PLCH2: variants seen among roughly 807,000 people sequenced by gnomAD.
PLCH2 encodes the protein phospholipase C eta 2, also known as 1-phosphatidylinositol 4,5-bisphosphate phosphodiesterase eta-2.
PLCH2 carries 98 observed loss-of-function variants against 134.7 expected under a neutral mutation model. That is an observed-to-expected ratio of 0.73 (90% CI 0.62 to 0.86). PLCH2 has a LOEUF of 0.86. PLCH2 is among the 40% of genes least tolerant of loss of function. The probability of loss-of-function intolerance (pLI) is 0.00; values close to 1 mark genes in which losing one functional copy is unlikely to be tolerated. For missense variants in PLCH2, 1,994 were observed against 1,986.6 expected (o/e 1.00, Z -0.07); for synonymous variants, 974 against 827.5 (o/e 1.18, Z -3.04).
rs376884288 is a variant in PLCH2 at position 2,486,182 on chromosome 1, C to T, written c.817-725C>T. Among the ~76,000 whole-genome samples the T allele has an allele frequency of 1.4e-3, 213 of 152,328 alleles. 3 individuals carry two copies. In the South Asian group the frequency reaches 0.027, roughly 19 times the overall value. On this transcript the variant is annotated intron_variant, in intron 5 of 21. Transcript: ENST00000378486. ...AGGGGATTGGCAGGCAGAAGTGACC[C>T]TTCCCTCCCTGACCTTTGCCCCAAG...
chr1:2,489,965 T>G, intron 10 of PLCH2, 98 bp downstream of exon 10: 2 of 917,506 alleles, frequency 2.2e-6, no homozygotes, highest in South Asian at 2.8e-5. Flanking sequence ...AAGGGAGGCA[T>G]CCGGGAGAGA....
intron 1 of PLCH2, among the ~76,000 whole-genome samples, chr1:2,470,517 G>T (rs372378154): frequency 6.6e-6 from 1 of 152,224 alleles, no homozygotes; most frequent in South Asian, 2.1e-4. Flanking sequence ...GCTGCTCCCC[G>T]GCCTGGCAGT....
chr1:2,494,196 C>T (rs1570463105), intron 11 of PLCH2, among the ~76,000 whole-genome samples: 1 of 152,162 alleles, frequency 6.6e-6, no homozygotes, highest in East Asian at 1.9e-4. Flanking sequence ...CAGGTGGTGG[C>T]ACAGGCTCTG....
rs768470908 is a variant in PLCH2, at chr1:2,504,298, C to T, written c.3336C>T (p.Ala1112=). 51 of 1,601,030 alleles carry T rather than the reference C, an allele frequency of 3.2e-5. No individual in the cohort carries two copies. Among genetic ancestry groups the T allele is most frequent in the Non-Finnish European group, 4.0e-5 (47 of 1,175,538 alleles). ...TEPLGGWRPL[A]APFPAPAVYS... The stretch of plus-strand genomic sequence containing the variant: ...CCCTGGGAGGGTGGCGGCCCCTGGC[C>T]GCTCCCTTTCCAGCTCCTGCCGTGT... Residue 1112 remains alanine (A), a synonymous_variant, in exon 22 of 22, where the codon GCC becomes GCT. Transcript: ENST00000378486.
intron 8 of PLCH2, 36 bp downstream of exon 8, chr1:2,487,754 G>A: frequency 6.2e-7 from 1 of 1,602,716 alleles, no homozygotes; most frequent in East Asian, 2.2e-5. Context: ...GGCCCCAGAG[G>A]TGGGCAGGGT....
chr1:2,435,527 G>T (rs1186781276), intron 2 of PLCH2, among the ~76,000 whole-genome samples: 1 of 152,094 alleles, frequency 6.6e-6, no homozygotes, highest in Non-Finnish European at 1.5e-5. Flanking sequence ...AGGCGCAGGG[G>T]CCTCTCTTTG....
chr1:2,430,945 G>C (rs1177591907), intron 2 of PLCH2, among the ~76,000 whole-genome samples: 1 of 152,216 alleles, frequency 6.6e-6, no homozygotes, highest in Non-Finnish European at 1.5e-5. Context: ...GGGTCTGGGA[G>C]AGGTGCCCCT....
At chr1:2,468,650 G>A (rs1641185362) in intron 1 of PLCH2, among the ~76,000 whole-genome samples, 1 of 152,232 alleles carries the variant, frequency 6.6e-6, no homozygotes, top group African/African-American at 2.4e-5. Context: ...GGAACTCCTG[G>A]GTTTCCAGGG....
At position 2,454,531 on chromosome 1, in the gene PLCH2, CACCGAGTGG is replaced by C. The variant is rs1274361336; in HGVS notation, c.115+23907_115+23915del. 3.3e-5 allele frequency among the ~76,000 whole-genome samples: 5 copies of C among 152,322 alleles called. No individual in the cohort carries two copies. In the East Asian group the frequency reaches 9.6e-4, roughly 29 times the overall value. On this transcript the variant is annotated intron_variant, in intron 2 of 3. Coordinates refer to the PLCH2 transcript ENST00000609981. ...CTCCCCAGGGGCTGAACCAGCAATGCACCGAGTGGACCGTGTCCCTTTACTTGGTAGGGG... is the reference window on the plus strand; with the variant it reads ...CTCCCCAGGGGCTGAACCAGCAATGCACCGTGTCCCTTTACTTGGTAGGGG...
At chr1:2,502,052 G>A (rs761839409) in intron 20 of PLCH2, 60 bp from the exon 21 acceptor site, 2 of 1,371,378 alleles carry the variant, frequency 1.5e-6, no homozygotes, top group South Asian at 1.5e-5. Flanking sequence ...GGCCCTGGGG[G>A]AGCAGCTGCA....
chr1:2,458,349 GC>G (rs1209066193), intron 2 of PLCH2, among the ~76,000 whole-genome samples: 1 of 152,218 alleles, frequency 6.6e-6, no homozygotes, highest in African/African-American at 2.4e-5. Context: ...AGACCCTGGA[GC>G]AGGGCACTAG....
At chr1:2,450,324 G>A (rs887040356) in intron 2 of PLCH2, among the ~76,000 whole-genome samples, 4 of 152,032 alleles carry the variant, frequency 2.6e-5, no homozygotes, top group African/African-American at 7.2e-5. Flanking sequence ...CCGGTCCTCT[G>A]GGTGCCTCGT....
Position 2,476,729 on chromosome 1 carries a change from G to A in PLCH2, c.124+17G>A, listed in dbSNP as rs377079599. On this transcript the variant is annotated intron_variant, in intron 1 of 21. Coordinates refer to ENST00000378486, the MANE Select transcript of PLCH2 (RefSeq NM_014638.4). ...GCCCCCTGGGTAAGAAGGGGCAGGC[G>A]AGTGGCCTGGGCTGAGTGCTGGCCC... 5.6e-5 allele frequency: 90 copies of A among 1,596,220 alleles called. No homozygotes were observed. Among genetic ancestry groups the A allele is most frequent in the Admixed American group, 8.6e-5 (5 of 58,308 alleles).
At chr1:2,418,782 A>G in the PLCH2 span, among the ~76,000 whole-genome samples, 1 of 152,162 alleles carries the variant, frequency 6.6e-6, no homozygotes, top group Non-Finnish European at 1.5e-5. Context: ...CTGTGCGCTT[A>G]TGACGGCCTC....
chr1:2,494,889 G>A lies in PLCH2; in HGVS notation c.1693G>A (p.Asp565Asn). The change falls in exon 12 of 22, where the codon GAT becomes AAT. Residue 565 changes from aspartate to asparagine, a missense_variant. By Grantham distance (23) the Asp-to-Asn change is conservative. Transcript: ENST00000378486. ...TGAAGAGGACGTGGAGTCTGGGGAGGATGCCGGGGCCAGCAGACGCAATGG... is the reference window on the plus strand; with the variant it reads ...TGAAGAGGACGTGGAGTCTGGGGAGAATGCCGGGGCCAGCAGACGCAATGG... ...KAEEDVESGE[D>N]AGASRRNGRL... 2 of 1,607,204 alleles carry A rather than the reference G, an allele frequency of 1.2e-6. No homozygotes were observed. Among genetic ancestry groups the A allele is most frequent in the Non-Finnish European group, 1.7e-6 (2 of 1,177,770 alleles).
At chr1:2,460,489 G>A (rs972280793) in intron 2 of PLCH2, among the ~76,000 whole-genome samples, 9 of 152,260 alleles carry the variant, frequency 5.9e-5, no homozygotes, top group Non-Finnish European at 1.0e-4. Flanking sequence ...GGCATGGGCC[G>A]TGTGGGCTCC....
Position 2,459,425 on chromosome 1 carries a change from CCGG to C in PLCH2, c.116-19050_116-19048del, listed in dbSNP as rs1557969491. Among the ~76,000 whole-genome samples the C allele has an allele frequency of 6.3e-4, 46 of 73,144 alleles. 10 individuals are homozygous for C. The highest frequency in any genetic ancestry group is 2.8e-3 in the South Asian group (5 of 1,798). 48.0% of individuals were successfully genotyped at this position (73,144 alleles called of 152,430 possible). A position where few individuals can be genotyped will look rare whatever the true frequency, so the allele number is the denominator to read the frequency against. ...TTCTCCTTCCTGGTGGTCCTCCTTG[CCGG>C]TGGTCCTCCTTGCCGGTGGTCCTCC... On this transcript the variant is annotated intron_variant, in intron 2 of 3. Transcript: ENST00000609981.
Position 2,488,331 on chromosome 1 carries a change from T to TG in PLCH2, c.1235+619dup, listed in dbSNP as rs536556436. Among the ~76,000 whole-genome samples the TG allele has an allele frequency of 3.3e-5, 5 of 152,038 alleles. No individual in the cohort carries two copies. In the South Asian group the frequency reaches 8.3e-4, roughly 25 times the overall value. ...GCATTGCAAGGCACAGGGGCGGGGATGGGGGGAGGAGAGATGAGCTGGGAG... is the reference window on the plus strand; with the variant it reads ...GCATTGCAAGGCACAGGGGCGGGGATGGGGGGGAGGAGAGATGAGCTGGGAG... On this transcript the variant is annotated intron_variant, in intron 8 of 21. Transcript: ENST00000378486.
In PLCH2 at chr1:2,504,814, A is replaced by T; in HGVS notation, c.3852A>T (p.Gly1284=). The part of the protein sequence containing the change: ...RRLSHSLGLP[G]GTRRVSGPGV... Reference sequence around the variant, plus strand: ...TGAGCCACAGCCTGGGCCTCCCGGGAGGGACACGGCGGGTGTCGGGGCCAG... The same window carrying T: ...TGAGCCACAGCCTGGGCCTCCCGGGTGGGACACGGCGGGTGTCGGGGCCAG... The change falls in exon 22 of 22, where the codon GGA becomes GGT. Residue 1284 remains glycine, a synonymous_variant. Transcript: ENST00000378486. The T allele has an allele frequency of 6.2e-7, 1 of 1,611,142 alleles. No homozygotes were observed. Among genetic ancestry groups the T allele is most frequent in the Non-Finnish European group, 8.5e-7 (1 of 1,179,246 alleles).
Sources: allele counts gnomAD v4.1 joint callset (sites outside exome capture counted in the v4.1 genomes callset), GRCh38; gene constraint gnomAD v4.1.1; transcripts MANE v1.5; gene names NCBI Gene and HGNC (gene_info 2026-07-23, HGNC 2026-07-21).